PEX5L: variants seen among roughly 807,000 people sequenced by gnomAD.
PEX5L encodes the protein peroxisomal biogenesis factor 5 like, also known as PEX5-related protein.
A neutral mutation model predicts 84.0 loss-of-function variants in PEX5L; 30 were observed. That is an observed-to-expected ratio of 0.36 (90% CI 0.27 to 0.48). PEX5L has a LOEUF of 0.48. Among genes scored for constraint, PEX5L ranks in the 20% least tolerant of loss-of-function variants. The pLI is 0.99. For synonymous variants in PEX5L, 270 were observed against 283.1 expected (o/e 0.95, Z 0.46); for missense variants, 533 against 754.6 (o/e 0.71, Z 3.44).
intron 3 of PEX5L, chr3:179,888,259 G>A (rs757627159): frequency 6.5e-5 from 53 of 818,226 alleles, no homozygotes; most frequent in East Asian, 1.9e-4. Flanking sequence ...TGCCTGCCTC[G>A]TCTCCCTCTC....
intron 1 of PEX5L, among the ~76,000 whole-genome samples, chr3:179,986,515 G>A (rs561693939): frequency 2.0e-5 from 3 of 149,552 alleles, no homozygotes; most frequent in African/African-American, 7.4e-5. Flanking sequence ...CCATTCTCCT[G>A]CCTCAGCCTC....
chr3:179,886,380 A>G (rs777279188), intron 4 of PEX5L, among the ~76,000 whole-genome samples: 1 of 152,198 alleles, frequency 6.6e-6, no homozygotes, highest in Non-Finnish European at 1.5e-5. Flanking sequence ...CTGAATTTAG[A>G]AAATGATTGC....
intron 2 of PEX5L, among the ~76,000 whole-genome samples, chr3:179,969,704 T>C (rs754612187): frequency 9.9e-5 from 15 of 152,130 alleles, no homozygotes; most frequent in Non-Finnish European, 1.6e-4. Flanking sequence ...ACTCATCTTT[T>C]GAAACATGTT....
intron 14 of PEX5L, chr3:179,804,336 C>T (rs1394273743): frequency 1.3e-5 from 2 of 152,030 alleles, no homozygotes; most frequent in Non-Finnish European, 2.9e-5. Flanking sequence ...TGTATATTGT[C>T]ATGATTAATA....
intron 1 of PEX5L, among the ~76,000 whole-genome samples, chr3:180,010,300 G>A (rs188573784): frequency 4.4e-5 from 6 of 135,216 alleles, no homozygotes; most frequent in African/African-American, 9.3e-5. Flanking sequence ...TGTTGCCTAG[G>A]CTGGCCTTGA....
At chr3:179,973,178 A>G (rs1340973300) in intron 1 of PEX5L, 1 of 1,288,796 alleles carries the variant, frequency 7.8e-7, no homozygotes, top group Non-Finnish European at 1.0e-6. Flanking sequence ...CATTTGCATG[A>G]CCCGGTTTCT....
intron 8 of PEX5L, among the ~76,000 whole-genome samples, chr3:179,840,441 G>A (rs1383970989): frequency 2.0e-5 from 3 of 151,882 alleles, no homozygotes; most frequent in African/African-American, 4.8e-5. Context: ...CACTCACCTC[G>A]GCCTCCCAAA....
chr3:179,823,360 T>C (rs1013276457), intron 8 of PEX5L, among the ~76,000 whole-genome samples: 1 of 152,170 alleles, frequency 6.6e-6, no homozygotes, highest in African/African-American at 2.4e-5. Context: ...TAGTTTATTA[T>C]AATATTGAAT....
chr3:179,887,590 A>G (rs1029595052), intron 4 of PEX5L, 83 bp downstream of exon 4: 4 of 882,250 alleles, frequency 4.5e-6, no homozygotes, highest in Non-Finnish European at 7.5e-6. Context: ...TTCCTCACTT[A>G]AAATGTATTA....
chr3:179,811,140 C>T (rs1228232236), intron 11 of PEX5L, among the ~76,000 whole-genome samples: 1 of 151,904 alleles, frequency 6.6e-6, no homozygotes, highest in Non-Finnish European at 1.5e-5. Flanking sequence ...ATCTGATATT[C>T]CAAAGCTATA....
At chr3:179,971,367 CT>C (rs1784692625) in intron 2 of PEX5L, among the ~76,000 whole-genome samples, 1 of 152,036 alleles carries the variant, frequency 6.6e-6, no homozygotes, top group African/African-American at 2.4e-5. Flanking sequence ...TTTGTTCTAG[CT>C]TTATTTCCAT....
At chr3:179,999,111 A>G (rs1788154763) in intron 1 of PEX5L, among the ~76,000 whole-genome samples, 1 of 152,204 alleles carries the variant, frequency 6.6e-6, no homozygotes, top group Non-Finnish European at 1.5e-5. Context: ...ATACTGATTC[A>G]TGGGCTGTAG....
intron 5 of PEX5L, among the ~76,000 whole-genome samples, chr3:179,878,961 T>C (rs1330015350): frequency 6.6e-6 from 1 of 152,242 alleles, no homozygotes; most frequent in Non-Finnish European, 1.5e-5. Context: ...CAGAGAAATG[T>C]TTGCTGAACA....
chr3:179,891,820 ATTTCC>A (rs1757714433), intron 3 of PEX5L, among the ~76,000 whole-genome samples: 1 of 152,112 alleles, frequency 6.6e-6, no homozygotes, highest in Non-Finnish European at 1.5e-5. Context: ...AGTTTATGAT[ATTTCC>A]TTTGGTGACT....
intron 8 of PEX5L, among the ~76,000 whole-genome samples, chr3:179,824,738 T>G (rs1192172759): frequency 1.3e-5 from 2 of 150,150 alleles, no homozygotes. Context: ...AAGCAGTACT[T>G]CTTTTACATG....
chr3:179,802,560 G>C (rs928031974), intron 14 of PEX5L, among the ~76,000 whole-genome samples: 1 of 141,218 alleles, frequency 7.1e-6, no homozygotes, highest in Non-Finnish European at 1.6e-5. Context: ...AAAAAGAAAA[G>C]AAAAGAAAAG....
At position 179,888,768 on chromosome 3, in the gene PEX5L, G is replaced by GT. The variant is rs531539518; in HGVS notation, c.199-985dup. 3.2e-3 allele frequency among the ~76,000 whole-genome samples: 478 copies of GT among 148,508 alleles called. 2 individuals carry two copies. Among genetic ancestry groups the GT allele is most frequent in the African/African-American group, 0.012 (462 of 38,402 alleles). On this transcript the variant is annotated intron_variant, in intron 3 of 14. Transcript: ENST00000467460. The stretch of plus-strand genomic sequence containing the variant: ...TCTTTAGGTTTTTTTGTTTTGTTTT[G>GT]TTTTTTGTTTTTTAAATAGGCACAG...
intron 10 of PEX5L, among the ~76,000 whole-genome samples, chr3:179,815,357 G>A (rs575872800): frequency 4.1e-4 from 63 of 152,206 alleles, no homozygotes; most frequent in Non-Finnish European, 7.5e-4. Context: ...GGCCAAGGCC[G>A]GTGGATCACT....
chr3:179,935,723 A>T (rs1335330160), intron 2 of PEX5L, among the ~76,000 whole-genome samples: 1 of 152,008 alleles, frequency 6.6e-6, no homozygotes, highest in Non-Finnish European at 1.5e-5. Context: ...CAGGGCAGCA[A>T]TGTTGCAGGT....
Sources: allele counts gnomAD v4.1 joint callset (sites outside exome capture counted in the v4.1 genomes callset), GRCh38; gene constraint gnomAD v4.1.1; transcripts MANE v1.5; gene names NCBI Gene and HGNC (gene_info 2026-07-23, HGNC 2026-07-21).